The following XKR4 variants were observed in gnomAD, a reference collection of about 807,000 sequenced individuals.
XKR4 encodes XK related 4.
Under a neutral mutation model 53.9 loss-of-function variants are expected in XKR4, and 12 were observed. The ratio of observed to expected loss-of-function variants is 0.22; its 90% CI spans 0.14 to 0.36. XKR4 has a LOEUF of 0.36. XKR4 is among the 10% of genes least tolerant of loss of function. The pLI is 1.00. For missense variants in XKR4, 799 were observed against 859.5 expected (o/e 0.93, Z 0.88); for synonymous variants, 354 against 362.4 (o/e 0.98, Z 0.26).
chr8:55,328,959 A>G (rs1803337024), intron 1 of XKR4, among the ~76,000 whole-genome samples: 1 of 152,026 alleles, frequency 6.6e-6, no homozygotes, highest in African/African-American at 2.4e-5. Context: ...TCTCTCCTCC[A>G]CTACCTCGCA....
chr8:55,131,975 A>G (rs1467650263), intron 1 of XKR4, among the ~76,000 whole-genome samples: 2 of 152,216 alleles, frequency 1.3e-5, no homozygotes, highest in Non-Finnish European at 2.9e-5. Flanking sequence ...TGTCTGCCCT[A>G]GAGGAGCAGT....
At chr8:55,211,343 T>C (rs1436121805) in intron 1 of XKR4, among the ~76,000 whole-genome samples, 1 of 152,230 alleles carries the variant, frequency 6.6e-6, no homozygotes, top group Non-Finnish European at 1.5e-5. Flanking sequence ...TTGTCCCCCC[T>C]TTAATCAGAT....
intron 2 of XKR4, among the ~76,000 whole-genome samples, chr8:55,459,860 G>C (rs1220679904): frequency 1.3e-5 from 2 of 152,100 alleles, no homozygotes; most frequent in Non-Finnish European, 2.9e-5. Flanking sequence ...AAAACAGTTT[G>C]ATGGGGTTTT....
intron 2 of XKR4, chr8:55,453,073 T>A: frequency 1.7e-6 from 1 of 583,020 alleles, no homozygotes; most frequent in Non-Finnish European, 3.3e-6. Flanking sequence ...TGGGGCCTGA[T>A]CCTCGGTGGG....
intron 2 of XKR4, among the ~76,000 whole-genome samples, chr8:55,513,923 G>T (rs1806670413): frequency 6.6e-6 from 1 of 152,142 alleles, no homozygotes; most frequent in Admixed American, 6.5e-5. Flanking sequence ...ATGAGTGAGG[G>T]GCCAGGAAAC....
intron 1 of XKR4, among the ~76,000 whole-genome samples, chr8:55,168,353 A>G (rs1563473500): frequency 6.6e-6 from 1 of 152,164 alleles, no homozygotes; most frequent in South Asian, 2.1e-4. Flanking sequence ...GGAGCAGGAG[A>G]TGAGTGAATC....
intron 2 of XKR4, among the ~76,000 whole-genome samples, chr8:55,376,869 T>C (rs2129386884): frequency 6.6e-6 from 1 of 152,026 alleles, no homozygotes; most frequent in South Asian, 2.1e-4. Context: ...TTTTCTCATC[T>C]CTCACCCTCT....
Position 55,149,765 on chromosome 8 carries a change from A to G in XKR4, c.806+46471A>G, listed in dbSNP as rs558640682. Among the ~76,000 whole-genome samples, 3 of 152,314 alleles carry G rather than the reference A, an allele frequency of 2.0e-5. No individual in the cohort carries two copies. The East Asian group carries it at 5.8e-4, about 29-fold the overall frequency. The stretch of plus-strand genomic sequence containing the variant: ...ATTTGAGTCTAGTTGTTTGTTAACT[A>G]TTGCAGAAGCAGGTGCTGCCTTAAG... On this transcript the variant is annotated intron_variant, in intron 1 of 2. Transcript: ENST00000327381.
intron 1 of XKR4, among the ~76,000 whole-genome samples, chr8:55,182,675 A>G (rs1166546226): frequency 1.3e-5 from 2 of 152,190 alleles, no homozygotes; most frequent in Non-Finnish European, 2.9e-5. Flanking sequence ...CTTTACCAAT[A>G]CCACATAGTT....
intron 1 of XKR4, among the ~76,000 whole-genome samples, chr8:55,116,910 G>A (rs941594859): frequency 2.0e-5 from 3 of 152,092 alleles, no homozygotes; most frequent in Non-Finnish European, 2.9e-5. Flanking sequence ...ACCTGTGTCC[G>A]CTGAGCACTT....
In XKR4 at chr8:55,535,648, A is replaced by C. The variant is rs919144963; in HGVS notation, c.*11421A>C. The C allele has an allele frequency of 4.6e-5, 7 of 152,164 alleles. No homozygotes were observed. The highest frequency in any genetic ancestry group is 1.4e-4 in the African/African-American group (6 of 41,414). The allele number at this position is 152,164 out of a possible 1,614,324, so 9.4% of individuals were successfully genotyped here. ...GTGTTGGGTCAGAGGGTATCTATTA[A>C]TGTAGAGGCCCAAGTATGGTGATGA... On this transcript the variant is annotated 3_prime_UTR_variant, in exon 3 of 3. Transcript: ENST00000327381.
chr8:55,222,665 C>T (rs772004823), intron 1 of XKR4, among the ~76,000 whole-genome samples: 4 of 152,244 alleles, frequency 2.6e-5, no homozygotes, highest in African/African-American at 4.8e-5. Flanking sequence ...GTCTTATTCA[C>T]GATTGTGTTC....
chr8:55,285,776 T>A (rs1433409570), intron 1 of XKR4, among the ~76,000 whole-genome samples: 1 of 152,182 alleles, frequency 6.6e-6, no homozygotes, highest in African/African-American at 2.4e-5. Flanking sequence ...TCAGTCAGTC[T>A]ATAGCCAAGT....
chr8:55,390,540 T>A (rs1316633967), intron 2 of XKR4, among the ~76,000 whole-genome samples: 1 of 152,234 alleles, frequency 6.6e-6, no homozygotes. Flanking sequence ...TCTTAGTAAC[T>A]TTCTCCCTCC....
intron 1 of XKR4, among the ~76,000 whole-genome samples, chr8:55,349,986 A>G (rs1803702988): frequency 6.6e-6 from 1 of 152,168 alleles, no homozygotes; most frequent in Admixed American, 6.5e-5. Context: ...TTTGGTGTTA[A>G]ATGTCCTAAA....
intron 2 of XKR4, among the ~76,000 whole-genome samples, chr8:55,491,601 A>G (rs953354012): frequency 2.0e-5 from 3 of 151,364 alleles, no homozygotes; most frequent in African/African-American, 7.3e-5. Context: ...CCAGGTGTTC[A>G]ATGGGCTCTT....
intron 2 of XKR4, among the ~76,000 whole-genome samples, chr8:55,396,760 G>GT (rs1404297354): frequency 2.6e-5 from 4 of 152,144 alleles, no homozygotes; most frequent in Admixed American, 2.0e-4. Flanking sequence ...AGCCTTGTTT[G>GT]TTTTTTAAAA....
intron 1 of XKR4, among the ~76,000 whole-genome samples, chr8:55,169,056 A>G (rs1817112685): frequency 6.6e-6 from 1 of 152,212 alleles, no homozygotes; most frequent in Admixed American, 6.5e-5. Context: ...TCCAATTTTT[A>G]TCTTTCTAGA....
rs528314263 is a variant in XKR4 at position 55,279,717 on chromosome 8, C to T, written c.807-77961C>T. Among the ~76,000 whole-genome samples, 3 of 152,244 alleles carry T rather than the reference C, an allele frequency of 2.0e-5. No homozygotes were observed. In the South Asian group the frequency reaches 6.2e-4, roughly 32 times the overall value. On this transcript the variant is annotated intron_variant, in intron 1 of 2. Coordinates refer to ENST00000327381, the MANE Select transcript of XKR4 (RefSeq NM_052898.2). The stretch of plus-strand genomic sequence containing the variant: ...TCTGGGGACAGCTGTTCGCCTCAGC[C>T]CGTCAGCCAGGGCACACAGTCTTCA...
Sources: gnomAD v4.1 joint callset for allele counts (sites outside exome capture counted in the v4.1 genomes callset) on GRCh38, gnomAD v4.1.1 for gene constraint, MANE v1.5 for transcripts, NCBI Gene and HGNC (gene_info 2026-07-23, HGNC 2026-07-21) for gene names.